Variants in NIFK observed in about 807,000 individuals in gnomAD.
NIFK encodes the protein nucleolar protein interacting with the FHA domain of MKI67.
NIFK carries 16 observed loss-of-function variants against 31.7 expected under a neutral mutation model. That is an observed-to-expected ratio of 0.50 (90% CI 0.34 to 0.77). The LOEUF is 0.77. Ranked by LOEUF, NIFK falls within the 30% of genes least tolerant of loss-of-function variation. NIFK has a pLI of 0.01. For missense variants in NIFK, 341 were observed against 350.4 expected, an observed-to-expected ratio of 0.97 and a Z score of 0.21; for synonymous variants, 126 against 123.0, an observed-to-expected ratio of 1.02 and a Z score of -0.16.
chr2:121,731,230 C>G (rs2074537070), intron 3 of NIFK, 126 bp from the exon 4 acceptor site: 1 of 610,828 alleles, frequency 1.6e-6, no homozygotes, highest in Non-Finnish European at 2.9e-6. Flanking sequence ...ATCCCAGCTT[C>G]TCTCACAGCA....
At chr2:121,728,447 T>G in intron 5 of NIFK, 30 bp downstream of exon 5, 1 of 1,525,890 alleles carries the variant, frequency 6.6e-7, no homozygotes, top group Non-Finnish European at 9.0e-7. Flanking sequence ...CTCTAATATC[T>G]TGCATGTAAA....
chr2:121,727,923 CAAGTA>C lies in NIFK; in HGVS notation c.694-16_694-12del. 3 of 1,575,752 alleles carry C rather than the reference CAAGTA, an allele frequency of 1.9e-6. No individual in the cohort carries two copies. The highest frequency in any genetic ancestry group is 2.6e-6 in the Non-Finnish European group (3 of 1,169,150). On this transcript the variant is annotated splice_polypyrimidine_tract_variant and intron_variant, in intron 6 of 6. Coordinates refer to ENST00000285814, the MANE Select transcript of NIFK (RefSeq NM_032390.5). ...AACTGGTGTGGGGCCCTGGATTCAA[CAAGTA>C]AAGATTATAATACATAAATGTAAAA...
At chr2:121,732,983 G>C (rs1315922976) in intron 2 of NIFK, among the ~76,000 whole-genome samples, 2 of 152,042 alleles carry the variant, frequency 1.3e-5, no homozygotes, top group Non-Finnish European at 2.9e-5. Context: ...TCAGGAGGCT[G>C]AGCCAGAAGA....
At position 121,736,762 on chromosome 2, in the gene NIFK, C is replaced by A. The variant is rs201646641; in HGVS notation, c.89G>T (p.Arg30Leu). Residue 30 changes from arginine to leucine, a missense_variant, in exon 1 of 7, where the codon CGC becomes CTC. Coordinates refer to ENST00000285814, the MANE Select transcript of NIFK (RefSeq NM_032390.5). ...CCTGCTCACCTGGGTTATGCGCTTGCGAACCTGCGCCACCTCCTTTTGAAA... is the reference window on the plus strand; with the variant it reads ...CCTGCTCACCTGGGTTATGCGCTTGAGAACCTGCGCCACCTCCTTTTGAAA... ...VEFQKEVAQV[R>L]KRITQRKKQE... The A allele has an allele frequency of 1.2e-6, 2 of 1,613,848 alleles. No homozygotes were observed. The highest frequency in any genetic ancestry group is 1.7e-6 in the Non-Finnish European group (2 of 1,179,808).
At position 121,727,864 on chromosome 2, in the gene NIFK, G is replaced by C. The variant is rs181964660; in HGVS notation, c.742C>G (p.Gln248Glu). The C allele has an allele frequency of 1.2e-6, 2 of 1,610,580 alleles. No homozygotes were observed. The highest frequency in any genetic ancestry group is 2.7e-5 in the African/African-American group (2 of 74,744). ...TPTFLERRKS[Q>E]VAELNDDDKD... ...TCATCATCATTCAGTTCAGCCACTT[G>C]AGATTTTCGCCTCTCCAAAAATGTT... is the stretch of plus-strand genomic sequence containing the variant. Residue 248 changes from glutamine to glutamate, a missense_variant, in exon 7 of 7, where the codon CAA becomes GAA. Coordinates refer to ENST00000285814, the MANE Select transcript of NIFK (RefSeq NM_032390.5).
chr2:121,731,536 C>T (rs11680763), intron 3 of NIFK, among the ~76,000 whole-genome samples: 18,750 of 152,230 alleles, frequency 0.12, 1,440 homozygotes, highest in Middle Eastern at 0.29. Context: ...GATTTTGCAA[C>T]GCGATTCCTG....
intron 1 of NIFK, among the ~76,000 whole-genome samples, chr2:121,736,402 G>A (rs1358638462): frequency 6.6e-6 from 1 of 152,250 alleles, no homozygotes; most frequent in African/African-American, 2.4e-5. Context: ...CTAACCCGGA[G>A]ATAACCTGTG....
intron 1 of NIFK, 143 bp downstream of exon 1, chr2:121,736,603 C>T: frequency 1.5e-6 from 1 of 685,250 alleles, no homozygotes; most frequent in Non-Finnish European, 2.6e-6. Flanking sequence ...CTGATTCGGT[C>T]GAATCCACTT....
At chr2:121,730,619 G>A (rs1264851560) in intron 4 of NIFK, 2 of 376,068 alleles carry the variant, frequency 5.3e-6, no homozygotes, top group African/African-American at 4.2e-5. Context: ...TGAGGTGGGT[G>A]AATCACCTGA....
intron 4 of NIFK, among the ~76,000 whole-genome samples, chr2:121,729,936 G>A (rs542971272): frequency 5.9e-5 from 9 of 152,348 alleles, no homozygotes; most frequent in Admixed American, 2.6e-4. Context: ...AGTCAGGCCA[G>A]TCATGGTGGC....
chr2:121,735,872 G>T (rs1231011849), intron 1 of NIFK, 122 bp from the exon 2 acceptor site: 1 of 755,274 alleles, frequency 1.3e-6, no homozygotes, highest in Non-Finnish European at 2.1e-6. Flanking sequence ...AGTAATTAAA[G>T]AACTGGCTGT....
chr2:121,732,088 G>A lies in NIFK; in HGVS notation c.352+8C>T, dbSNP rs755159278. On this transcript the variant is annotated splice_region_variant and intron_variant, in intron 3 of 6. Coordinates refer to ENST00000285814, the MANE Select transcript of NIFK (RefSeq NM_032390.5). ...CAGGCAACCCTGCGGTAAGACAGGA[G>A]CACTTACACTCCAAGAGTCTTTCAC... 4.5e-6 allele frequency: 7 copies of A among 1,546,534 alleles called. No individual in the cohort carries two copies. The highest frequency in any genetic ancestry group is 5.4e-6 in the Non-Finnish European group (6 of 1,118,982).
chr2:121,728,041 G>C, intron 6 of NIFK, 129 bp from the exon 7 acceptor site: 3 of 884,954 alleles, frequency 3.4e-6, no homozygotes, highest in Non-Finnish European at 5.0e-6. Flanking sequence ...CCATCTTTTG[G>C]TGATACTATT....
In NIFK at chr2:121,734,040, T is replaced by C. The variant is rs139837909; in HGVS notation, c.243+1573A>G. 8.8e-4 allele frequency among the ~76,000 whole-genome samples: 134 copies of C among 152,186 alleles called. 1 individual carries two copies. Among genetic ancestry groups the C allele is most frequent in the East Asian group, 2.9e-3 (15 of 5,164 alleles). On this transcript the variant is annotated intron_variant, in intron 2 of 6. Coordinates refer to ENST00000285814, the MANE Select transcript of NIFK (RefSeq NM_032390.5). Reference sequence around the variant, plus strand: ...GGCTCGCTCATGCTTGTAATCCCAGTACCTTGGGAGGCCGAGGTGGGCGGA... The same window carrying C: ...GGCTCGCTCATGCTTGTAATCCCAGCACCTTGGGAGGCCGAGGTGGGCGGA...
chr2:121,728,613 C>A, intron 4 of NIFK, 77 bp from the exon 5 acceptor site: 3 of 771,900 alleles, frequency 3.9e-6, no homozygotes, highest in South Asian at 1.8e-5. Context: ...TATATATTAT[C>A]AGTAAATCCT....
At position 121,727,913 on chromosome 2, in the gene NIFK, C is replaced by G; in HGVS notation, c.694-1G>C. 1 of 1,579,236 alleles carries G rather than the reference C, an allele frequency of 6.3e-7. No homozygotes were observed. ...TTGGTGTACAAACTGGTGTGGGGCC[C>G]TGGATTCAACAAGTAAAGATTATAA... On this transcript the variant is annotated splice_acceptor_variant, in intron 6 of 6. Transcript: ENST00000285814. LOFTEE classifies it high-confidence loss of function.
intron 2 of NIFK, among the ~76,000 whole-genome samples, chr2:121,734,063 G>A (rs964611653): frequency 2.0e-5 from 3 of 152,016 alleles, no homozygotes; most frequent in Non-Finnish European, 2.9e-5. Flanking sequence ...CGAGGTGGGC[G>A]GATCATCTGA....
chr2:121,732,568 T>C (rs888395687), intron 2 of NIFK, among the ~76,000 whole-genome samples: 2 of 152,214 alleles, frequency 1.3e-5, no homozygotes, highest in Admixed American at 1.3e-4. Flanking sequence ...CCAGCACCAG[T>C]TGTGTCAGTA....
intron 4 of NIFK, 105 bp from the exon 5 acceptor site, chr2:121,728,641 A>G (rs1559904521): frequency 1.5e-6 from 1 of 656,292 alleles, no homozygotes; most frequent in African/African-American, 1.8e-5. Context: ...TGACAAGAGC[A>G]TTTCATTTTA....
Sources: gnomAD v4.1 joint callset for allele counts (sites outside exome capture counted in the v4.1 genomes callset) on GRCh38, gnomAD v4.1.1 for gene constraint, MANE v1.5 for transcripts, NCBI Gene and HGNC (gene_info 2026-07-23, HGNC 2026-07-21) for gene names.